The following UNC5D variants were observed in gnomAD, a reference collection of about 807,000 sequenced individuals.
The protein encoded by UNC5D is unc-5 netrin receptor D.
UNC5D carries 39 observed loss-of-function variants against 105.4 expected under a neutral mutation model. That is an observed-to-expected ratio of 0.37 (90% confidence interval 0.29 to 0.48). The LOEUF (loss-of-function observed/expected upper bound fraction) is 0.48. Among genes scored for constraint, UNC5D ranks in the 20% least tolerant of loss-of-function variants. The probability of loss-of-function intolerance (pLI) is 0.98; values close to 1 mark genes in which losing one functional copy is unlikely to be tolerated. For missense variants in UNC5D, 991 were observed against 1,202.4 expected (o/e 0.82, Z 2.60); for synonymous variants, 452 against 450.4 (o/e 1.00, Z -0.04).
At chr8:35,329,247 A>AT (rs1186344850) in intron 1 of UNC5D, among the ~76,000 whole-genome samples, 4 of 152,010 alleles carry the variant, frequency 2.6e-5, no homozygotes, top group Admixed American at 2.0e-4. Flanking sequence ...CCCAAGTCCT[A>AT]TTTTTTACTG....
intron 1 of UNC5D, among the ~76,000 whole-genome samples, chr8:35,296,796 A>G (rs1807525735): frequency 6.6e-6 from 1 of 152,184 alleles, no homozygotes; most frequent in African/African-American, 2.4e-5. Context: ...ATATTGGTTG[A>G]TTACATTCTG....
intron 1 of UNC5D, among the ~76,000 whole-genome samples, chr8:35,514,610 G>A (rs1452846307): frequency 1.3e-5 from 2 of 152,136 alleles, no homozygotes; most frequent in Non-Finnish European, 2.9e-5. Context: ...GTATAGCTTT[G>A]AACATTGCTT....
At chr8:35,341,680 A>G (rs1281549714) in intron 1 of UNC5D, among the ~76,000 whole-genome samples, 1 of 152,110 alleles carries the variant, frequency 6.6e-6, no homozygotes, top group African/African-American at 2.4e-5. Context: ...TTGATAGGAG[A>G]AATAACTACT....
In UNC5D at chr8:35,790,894, G is replaced by T; in HGVS notation, c.*331G>T. On this transcript the variant is annotated 3_prime_UTR_variant, in exon 17 of 17. Coordinates refer to ENST00000404895, the MANE Select transcript of UNC5D (RefSeq NM_080872.4). ...TGATAATGCTGGGAAGGCAGAGATT[G>T]ATTAAGTGCATGCTTTGAAATAGGT... 1 of 332,278 alleles carries T rather than the reference G, an allele frequency of 3.0e-6. No individual in the cohort carries two copies. Among genetic ancestry groups the T allele is most frequent in the Non-Finnish European group, 5.6e-6 (1 of 178,114 alleles). The allele number at this position is 332,278 out of a possible 1,614,324, so 20.6% of individuals were successfully genotyped here.
intron 1 of UNC5D, among the ~76,000 whole-genome samples, chr8:35,447,834 ATTC>A (rs1394713914): frequency 6.6e-6 from 1 of 152,062 alleles, no homozygotes; most frequent in Non-Finnish European, 1.5e-5. Flanking sequence ...ATTTCCTCCT[ATTC>A]TTTGCTTCTG....
chr8:35,715,918 T>C (rs933587352), intron 8 of UNC5D, among the ~76,000 whole-genome samples: 2 of 152,110 alleles, frequency 1.3e-5, no homozygotes, highest in African/African-American at 4.8e-5. Flanking sequence ...AGTAGGGGTC[T>C]TGAAGGAAAG....
intron 1 of UNC5D, among the ~76,000 whole-genome samples, chr8:35,284,557 T>TTCTTA (rs1261505760): frequency 6.6e-6 from 1 of 152,054 alleles, no homozygotes; most frequent in African/African-American, 2.4e-5. Flanking sequence ...AATGTTTCTT[T>TTCTTA]TCTTTTCTTT....
chr8:35,462,683 A>C (rs558423164), intron 1 of UNC5D, among the ~76,000 whole-genome samples: 1 of 152,182 alleles, frequency 6.6e-6, no homozygotes, highest in Non-Finnish European at 1.5e-5. Context: ...TTTTCACCTG[A>C]TAGGAGAAAA....
chr8:35,352,893 G>A (rs370668316), intron 1 of UNC5D, among the ~76,000 whole-genome samples: 8 of 152,090 alleles, frequency 5.3e-5, no homozygotes, highest in African/African-American at 1.2e-4. Flanking sequence ...AATTACAGGC[G>A]TGAGCCACTG....
At chr8:35,484,977 T>A (rs1044078999) in intron 1 of UNC5D, among the ~76,000 whole-genome samples, 4 of 152,230 alleles carry the variant, frequency 2.6e-5, no homozygotes, top group Admixed American at 1.3e-4. Context: ...ATAAATATAT[T>A]TGCCTTAAGT....
intron 4 of UNC5D, among the ~76,000 whole-genome samples, chr8:35,617,224 C>T (rs143659236): frequency 6.6e-6 from 1 of 152,314 alleles, no homozygotes; most frequent in African/African-American, 2.4e-5. Flanking sequence ...ATCCTAATTG[C>T]TCTGTGTATC....
Position 35,298,717 on chromosome 8 carries a change from G to T in UNC5D, c.103+62830G>T, listed in dbSNP as rs149718344. Among the ~76,000 whole-genome samples the T allele has an allele frequency of 2.0e-5, 3 of 149,546 alleles. No homozygotes were observed. In the East Asian group the frequency reaches 6.0e-4, roughly 30 times the overall value. ...TTGCACAATATCCTAAGAAAGTAAA[G>T]CAAGGAAAATAGAGCAAAATTCCAC... is the stretch of plus-strand genomic sequence containing the variant. On this transcript the variant is annotated intron_variant, in intron 1 of 16. Transcript: ENST00000404895.
intron 16 of UNC5D, among the ~76,000 whole-genome samples, chr8:35,783,765 C>T (rs1042750684): frequency 3.3e-5 from 5 of 152,136 alleles, no homozygotes; most frequent in Admixed American, 2.6e-4. Context: ...GTATCTCTAG[C>T]CACTTTTCCT....
chr8:35,333,454 A>G (rs185946503), intron 1 of UNC5D, among the ~76,000 whole-genome samples: 2 of 152,214 alleles, frequency 1.3e-5, no homozygotes, highest in East Asian at 3.9e-4. Flanking sequence ...GACCCCTTCA[A>G]ATTGTACAAT....
At chr8:35,325,623 A>G (rs1810089927) in intron 1 of UNC5D, among the ~76,000 whole-genome samples, 1 of 152,194 alleles carries the variant, frequency 6.6e-6, no homozygotes, top group African/African-American at 2.4e-5. Context: ...CACACATACA[A>G]TGCGTTCTAT....
At chr8:35,552,411 T>C (rs978133803) in intron 2 of UNC5D, among the ~76,000 whole-genome samples, 2 of 152,236 alleles carry the variant, frequency 1.3e-5, no homozygotes, top group African/African-American at 4.8e-5. Context: ...GTTTTCTTGC[T>C]GACATAAGGA....
intron 1 of UNC5D, among the ~76,000 whole-genome samples, chr8:35,482,928 G>A (rs928178609): frequency 6.9e-6 from 1 of 144,952 alleles, no homozygotes; most frequent in African/African-American, 2.6e-5. Context: ...GTGGCCCCCC[G>A]AGTAGCTGGG....
intron 1 of UNC5D, among the ~76,000 whole-genome samples, chr8:35,515,846 G>C (rs997211786): frequency 6.6e-6 from 1 of 152,104 alleles, no homozygotes; most frequent in Non-Finnish European, 1.5e-5. Context: ...TTTTTCTGAA[G>C]TGTAGACTTT....
chr8:35,319,269 C>T (rs546134632), intron 1 of UNC5D, among the ~76,000 whole-genome samples: 1 of 152,166 alleles, frequency 6.6e-6, no homozygotes, highest in South Asian at 2.1e-4. Context: ...TTCCTTCTGC[C>T]CCCCACAGGC....
Sources: allele counts gnomAD v4.1 joint callset (sites outside exome capture counted in the v4.1 genomes callset), GRCh38; gene constraint gnomAD v4.1.1; transcripts MANE v1.5; gene names NCBI Gene and HGNC (gene_info 2026-07-23, HGNC 2026-07-21).